Variants in CTIF observed in about 807,000 individuals in gnomAD.
CTIF encodes the protein cap binding complex dependent translation initiation factor.
A neutral mutation model predicts 66.0 loss-of-function variants in CTIF; 21 were observed. The observed-to-expected ratio is 0.32, with a 90% CI of 0.23 to 0.46. The LOEUF (loss-of-function observed/expected upper bound fraction) is 0.46, where lower values mean the gene tolerates loss of function less well. Among genes scored for constraint, CTIF ranks in the 20% least tolerant of loss-of-function variants. The pLI is 1.00. For synonymous variants in CTIF, 345 were observed against 326.4 expected (o/e 1.06, Z -0.62); for missense variants, 739 against 812.7 (o/e 0.91, Z 1.10).
intron 9 of CTIF, among the ~76,000 whole-genome samples, chr18:48,772,379 C>A (rs1038700175): frequency 2.6e-5 from 4 of 151,948 alleles, no homozygotes; most frequent in African/African-American, 9.7e-5. Context: ...AGCAGTACCC[C>A]GCATACCTAC....
intron 3 of CTIF, among the ~76,000 whole-genome samples, chr18:48,639,771 T>C (rs1370670077): frequency 1.3e-5 from 2 of 152,058 alleles, no homozygotes; most frequent in African/African-American, 4.8e-5. Flanking sequence ...GATCCTTGCT[T>C]CTCACTGCTC....
At chr18:48,848,651 C>G (rs538397171) in intron 10 of CTIF, among the ~76,000 whole-genome samples, 180 of 152,350 alleles carry the variant, frequency 1.2e-3, no homozygotes, top group African/African-American at 4.1e-3. Flanking sequence ...CCCCCTTTCC[C>G]TCCCTGCAGG....
intron 1 of CTIF, among the ~76,000 whole-genome samples, chr18:48,617,034 T>C (rs1481241985): frequency 6.6e-6 from 1 of 152,264 alleles, no homozygotes; most frequent in Non-Finnish European, 1.5e-5. Context: ...CTCATGAGAC[T>C]GAAGTCAAGT....
At chr18:48,833,080 G>A (rs1396434690) in intron 10 of CTIF, among the ~76,000 whole-genome samples, 1 of 152,220 alleles carries the variant, frequency 6.6e-6, no homozygotes, top group Non-Finnish European at 1.5e-5. Context: ...AAGGGGAGGC[G>A]AGAGGCTGCC....
At chr18:48,751,104 A>T (rs1235477073) in intron 7 of CTIF, among the ~76,000 whole-genome samples, 1 of 152,168 alleles carries the variant, frequency 6.6e-6, no homozygotes, top group Non-Finnish European at 1.5e-5. Flanking sequence ...TGCTTCCTAC[A>T]TGCTAGCTAT....
intron 1 of CTIF, among the ~76,000 whole-genome samples, chr18:48,545,496 G>T (rs151192845): frequency 1.3e-5 from 2 of 152,168 alleles, no homozygotes; most frequent in East Asian, 3.8e-4. Flanking sequence ...AGTAAAGTCC[G>T]CAGTGATTAC....
At chr18:48,703,197 A>T (rs2092106417) in intron 6 of CTIF, among the ~76,000 whole-genome samples, 1 of 152,120 alleles carries the variant, frequency 6.6e-6, no homozygotes, top group Non-Finnish European at 1.5e-5. Context: ...CAGAAACCTG[A>T]TGTAATCAAT....
chr18:48,730,518 G>C (rs1297781742), intron 7 of CTIF, among the ~76,000 whole-genome samples: 9 of 86,674 alleles, frequency 1.0e-4, no homozygotes, highest in Non-Finnish European at 2.0e-4. Flanking sequence ...GGCTTCTGCG[G>C]TGTGAGGGGC....
At chr18:48,811,744 C>G (rs761781602) in intron 9 of CTIF, among the ~76,000 whole-genome samples, 53 of 152,166 alleles carry the variant, frequency 3.5e-4, no homozygotes, top group Non-Finnish European at 5.7e-4. Context: ...GAATTTCTTT[C>G]TGTTTTTAAG....
chr18:48,663,989 G>A (rs991389289), intron 4 of CTIF, among the ~76,000 whole-genome samples, 164 bp downstream of exon 4: 5 of 152,178 alleles, frequency 3.3e-5, no homozygotes, highest in Admixed American at 6.5e-5. Flanking sequence ...GAGAGGAGGC[G>A]GTGAGTGTCA....
intron 10 of CTIF, among the ~76,000 whole-genome samples, chr18:48,856,516 A>G (rs2069331613): frequency 6.6e-6 from 1 of 152,264 alleles, no homozygotes; most frequent in Non-Finnish European, 1.5e-5. Context: ...GCAAAAGTCC[A>G]TTAACAGATG....
chr18:48,777,409 C>T (rs1311772763), intron 9 of CTIF, among the ~76,000 whole-genome samples: 1 of 152,210 alleles, frequency 6.6e-6, no homozygotes, highest in Non-Finnish European at 1.5e-5. Context: ...CCTTGGGGTC[C>T]CAGCCCTGAG....
chr18:48,598,966 T>C (rs886229711), intron 1 of CTIF, among the ~76,000 whole-genome samples: 1 of 152,134 alleles, frequency 6.6e-6, no homozygotes, highest in Non-Finnish European at 1.5e-5. Flanking sequence ...CCAGATTCAA[T>C]AGTGGTGCAT....
intron 7 of CTIF, among the ~76,000 whole-genome samples, chr18:48,725,136 G>A (rs1244245244): frequency 6.6e-6 from 1 of 152,230 alleles, no homozygotes; most frequent in Non-Finnish European, 1.5e-5. Context: ...GACTGGCTCT[G>A]CATGTCAGGG....
intron 1 of CTIF, among the ~76,000 whole-genome samples, chr18:48,593,219 G>C (rs2089924103): frequency 6.6e-6 from 1 of 152,194 alleles, no homozygotes; most frequent in Admixed American, 6.5e-5. Flanking sequence ...ACGCACCCAA[G>C]ATGGAGAGCA....
intron 2 of CTIF, among the ~76,000 whole-genome samples, chr18:48,622,382 G>T (rs908904207): frequency 6.6e-6 from 1 of 152,046 alleles, no homozygotes; most frequent in African/African-American, 2.4e-5. Context: ...GGAGTGTGTG[G>T]GGGAGAGGGA....
At chr18:48,744,816 C>A (rs1023362384) in intron 7 of CTIF, among the ~76,000 whole-genome samples, 1 of 149,672 alleles carries the variant, frequency 6.7e-6, no homozygotes, top group Non-Finnish European at 1.5e-5. Context: ...GCAGTTCTTT[C>A]TTCTTCTTTT....
At chr18:48,774,094 G>A (rs1407081779) in intron 9 of CTIF, among the ~76,000 whole-genome samples, 1 of 152,092 alleles carries the variant, frequency 6.6e-6, no homozygotes, top group African/African-American at 2.4e-5. Context: ...AGTGCACGGC[G>A]CAGTGCATGG....
intron 7 of CTIF, among the ~76,000 whole-genome samples, chr18:48,724,031 T>A (rs1381628615): frequency 6.6e-6 from 1 of 152,168 alleles, no homozygotes; most frequent in Non-Finnish European, 1.5e-5. Context: ...TAAGATGAAG[T>A]TGTCCCCTGG....
Sources: allele counts gnomAD v4.1 joint callset (sites outside exome capture counted in the v4.1 genomes callset), GRCh38; gene constraint gnomAD v4.1.1; transcripts MANE v1.5; gene names NCBI Gene and HGNC (gene_info 2026-07-23, HGNC 2026-07-21).